The following ODAD1 variants were observed in gnomAD, a reference collection of about 807,000 sequenced individuals.
ODAD1 encodes the protein outer dynein arm-docking complex subunit 1.
In ODAD1, 49 loss-of-function variants were observed where a neutral mutation model predicts 67.2. That is an observed-to-expected ratio of 0.73 (90% CI 0.58 to 0.92). The LOEUF is 0.92. Among genes scored for constraint, ODAD1 ranks in the 40% least tolerant of loss-of-function variants. The pLI is 0.00. For missense variants in ODAD1, 897 were observed against 953.7 expected, an observed-to-expected ratio of 0.94 and a Z score of 0.78; for synonymous variants, 345 against 393.7, an observed-to-expected ratio of 0.88 and a Z score of 1.46.
rs373501045 is a variant in ODAD1 at position 48,302,748 on chromosome 19, G to C, written c.1186C>G (p.Arg396Gly). Reference sequence around the variant, plus strand: ...ACATCCTGGAAGCGGGCCTCAAGGCGCTCAGCCTCCGAGTGCACCTTGTCC... The same window carrying C: ...ACATCCTGGAAGCGGGCCTCAAGGCCCTCAGCCTCCGAGTGCACCTTGTCC... ...RMDKVHSEAERLEARFQDVRG... is the reference protein window; with the variant it reads ...RMDKVHSEAEGLEARFQDVRG... The change falls in exon 12 of 16, where the codon CGC (arginine) becomes GGC (glycine). Residue 396 changes from arginine (R) to glycine (G), a missense_variant. Coordinates refer to ENST00000674294, the MANE Select transcript of ODAD1 (RefSeq NM_001364171.2). 117 of 1,613,354 alleles carry C rather than the reference G, an allele frequency of 7.3e-5. No homozygotes were observed. The highest frequency in any genetic ancestry group is 9.0e-5 in the Non-Finnish European group (106 of 1,180,022).
At chr19:48,321,056 G>A (rs1969018082) in intron 1 of ODAD1, among the ~76,000 whole-genome samples, 1 of 152,176 alleles carries the variant, frequency 6.6e-6, no homozygotes, top group South Asian at 2.1e-4. Context: ...GGCCAACATG[G>A]TGAAACCCCG....
chr19:48,307,888 C>T (rs1044423490), intron 7 of ODAD1, among the ~76,000 whole-genome samples: 1 of 151,504 alleles, frequency 6.6e-6, no homozygotes, highest in Non-Finnish European at 1.5e-5. Flanking sequence ...TAGAAAGAAC[C>T]GGGACTCCTC....
chr19:48,309,687 G>A (rs544453394), intron 7 of ODAD1, among the ~76,000 whole-genome samples: 12 of 152,264 alleles, frequency 7.9e-5, no homozygotes, highest in East Asian at 1.9e-4. Flanking sequence ...TAAATATCCC[G>A]TAACAAAATG....
At chr19:48,303,441 G>A (rs1368357512) in intron 10 of ODAD1, 8 of 616,804 alleles carry the variant, frequency 1.3e-5, no homozygotes, top group Non-Finnish European at 2.3e-5. Flanking sequence ...AGTGACCCCA[G>A]GCCCAGGAGT....
At chr19:48,300,633 T>C (rs1007675014) in intron 12 of ODAD1, among the ~76,000 whole-genome samples, 1 of 152,036 alleles carries the variant, frequency 6.6e-6, no homozygotes, top group African/African-American at 2.4e-5. Flanking sequence ...AAGTCTAGTA[T>C]CTAGAATATA....
intron 10 of ODAD1, 50 bp downstream of exon 10, chr19:48,303,600 G>A (rs1968528095): frequency 1.2e-6 from 2 of 1,610,766 alleles, no homozygotes; most frequent in African/African-American, 1.3e-5. Context: ...ACTGGACTCA[G>A]GGGGTGCCGG....
At chr19:48,321,240 AAAAC>A (rs541986418) in intron 1 of ODAD1, among the ~76,000 whole-genome samples, 23 of 152,320 alleles carry the variant, frequency 1.5e-4, no homozygotes, top group Admixed American at 7.8e-4. Context: ...TCCGTCTCAA[AAAAC>A]AAACAAACAA....
At chr19:48,302,603 T>C (rs1001179579) in intron 12 of ODAD1, 91 bp downstream of exon 12, 5 of 1,043,024 alleles carry the variant, frequency 4.8e-6, no homozygotes, top group Non-Finnish European at 7.0e-6. Flanking sequence ...TGAACCAGGT[T>C]GTCCATGCAA....
At chr19:48,316,527 T>A (rs1466840666) in intron 5 of ODAD1, among the ~76,000 whole-genome samples, 2 of 152,208 alleles carry the variant, frequency 1.3e-5, no homozygotes, top group African/African-American at 4.8e-5. Context: ...TAATGGAGTT[T>A]GGGAAAGTTC....
At chr19:48,304,838 T>G (rs957976503) in intron 8 of ODAD1, among the ~76,000 whole-genome samples, 9 of 152,098 alleles carry the variant, frequency 5.9e-5, no homozygotes, top group African/African-American at 2.2e-4. Flanking sequence ...GCAGAATTCT[T>G]TCTCCCAAGT....
chr19:48,315,725 T>C (rs894208728), intron 5 of ODAD1, among the ~76,000 whole-genome samples: 28 of 152,278 alleles, frequency 1.8e-4, no homozygotes, highest in African/African-American at 6.5e-4. Context: ...TTTGATTTTC[T>C]AGAATTTTAT....
At chr19:48,321,600 G>C in intron 1 of ODAD1, 78 bp downstream of exon 1, 1 of 369,952 alleles carries the variant, frequency 2.7e-6, no homozygotes. Context: ...CGGGCTAATC[G>C]GGAGGCGCTC....
chr19:48,296,628 G>A lies in ODAD1; in HGVS notation c.*348C>T. 2.8e-6 allele frequency: 1 copy of A among 360,826 alleles called. No homozygotes were observed. The highest frequency in any genetic ancestry group is 4.4e-6 in the Non-Finnish European group (1 of 227,308). 22.4% of individuals were successfully genotyped at this position (360,826 alleles called of 1,614,324 possible). ...GGAGAGCCTGGGAGATGGAGATGAG[G>A]AGAGAGAGCCGGAAACAGGAGGTGG... On this transcript the variant is annotated 3_prime_UTR_variant, in exon 16 of 16. Coordinates refer to ENST00000674294, the MANE Select transcript of ODAD1 (RefSeq NM_001364171.2).
At chr19:48,302,182 T>C (rs1009370778) in intron 12 of ODAD1, among the ~76,000 whole-genome samples, 1 of 142,504 alleles carries the variant, frequency 7.0e-6, no homozygotes, top group Non-Finnish European at 1.5e-5. Context: ...ATAGAACAGA[T>C]GAAGGAACAG....
At chr19:48,306,234 C>A in intron 8 of ODAD1, 22 bp downstream of exon 8, 1 of 1,551,264 alleles carries the variant, frequency 6.4e-7, no homozygotes, top group Non-Finnish European at 8.7e-7. Flanking sequence ...TCCCGCCATC[C>A]CAGGATACCC....
chr19:48,320,439 G>T, intron 2 of ODAD1, 48 bp from the exon 3 acceptor site: 1 of 1,088,996 alleles, frequency 9.2e-7, no homozygotes, highest in Non-Finnish European at 1.2e-6. Flanking sequence ...GCGGGCCAGG[G>T]CCCAGAGAGG....
intron 5 of ODAD1, among the ~76,000 whole-genome samples, chr19:48,317,560 G>A (rs78761940): frequency 0.031 from 4,776 of 152,184 alleles, 98 homozygotes; most frequent in Middle Eastern, 0.078. Flanking sequence ...TCTAACATGC[G>A]AACCTTTCCT....
At position 48,308,648 on chromosome 19, in the gene ODAD1, C is replaced by T. The variant is rs76295062; in HGVS notation, c.598-2325G>A. Among the ~76,000 whole-genome samples the T allele has an allele frequency of 5.1e-3, 770 of 152,356 alleles. 5 individuals carry two copies. Among genetic ancestry groups the T allele is most frequent in the African/African-American group, 0.016 (679 of 41,590 alleles). The stretch of plus-strand genomic sequence containing the variant: ...GCTGTGGCTGCACACTCCATGGAGC[C>T]GGTAGGAGCCCTGACCCTTCTGAGT... On this transcript the variant is annotated intron_variant, in intron 7 of 15. Coordinates refer to ENST00000674294, the MANE Select transcript of ODAD1 (RefSeq NM_001364171.2).
chr19:48,317,611 T>C (rs1968932586), intron 5 of ODAD1, among the ~76,000 whole-genome samples: 3 of 152,122 alleles, frequency 2.0e-5, no homozygotes, highest in East Asian at 3.9e-4. Context: ...CCTGGGACTG[T>C]GCTAAAGCAG....
Sources: gnomAD v4.1 joint callset for allele counts (sites outside exome capture counted in the v4.1 genomes callset) on GRCh38, gnomAD v4.1.1 for gene constraint, MANE v1.5 for transcripts, NCBI Gene and HGNC (gene_info 2026-07-23, HGNC 2026-07-21) for gene names.